Variants in BTLA observed in about 807,000 individuals in gnomAD.
The protein encoded by BTLA is B- and T-lymphocyte attenuator.
A neutral mutation model predicts 25.0 loss-of-function variants in BTLA; 11 were observed. The ratio of observed to expected loss-of-function variants is 0.44; its 90% CI spans 0.28 to 0.73. The LOEUF is 0.73. Among genes scored for constraint, BTLA ranks in the 30% least tolerant of loss-of-function variants. The pLI is 0.15. For synonymous variants in BTLA, 104 were observed against 119.8 expected, an observed-to-expected ratio of 0.87 and a Z score of 0.86; for missense variants, 282 against 332.8, an observed-to-expected ratio of 0.85 and a Z score of 1.19.
At chr3:112,493,793 C>T (rs2082393403) in intron 1 of BTLA, among the ~76,000 whole-genome samples, 2 of 151,848 alleles carry the variant, frequency 1.3e-5, no homozygotes, top group South Asian at 2.1e-4. Context: ...AGAGCCACTA[C>T]ACCCAGCCTA....
intron 1 of BTLA, among the ~76,000 whole-genome samples, chr3:112,485,450 G>A (rs1347110558): frequency 1.3e-5 from 2 of 152,314 alleles, no homozygotes; most frequent in Middle Eastern, 6.8e-3. Flanking sequence ...GACACACAAA[G>A]CTATCCCCCA....
In BTLA at chr3:112,466,225, G is replaced by A. The variant is rs1271336191; in HGVS notation, c.753C>T (p.Asn251=). ...GGGAAGCATAAACAATGCCTGGTTT[G>A]TTTTCTTCCAGGCATGGATTAGAAT... ...EVYSNPCLEE[N]KPGIVYASLN... is the part of the protein sequence containing the mutation. Residue 251 remains asparagine (N), a synonymous_variant, in exon 5 of 5, where the codon AAC becomes AAT. Coordinates refer to ENST00000334529, the MANE Select transcript of BTLA (RefSeq NM_181780.4). 6.2e-7 allele frequency: 1 copy of A among 1,613,946 alleles called. No homozygotes were observed. Among genetic ancestry groups the A allele is most frequent in the African/African-American group, 1.3e-5 (1 of 74,920 alleles).
chr3:112,464,804 C>CA lies in BTLA; in HGVS notation c.*1303dup, dbSNP rs1339277914. Reference sequence around the variant, plus strand: ...GTTGTCACCCACCCCACCTAACACACACACACACACACACACACACACACA... The same window carrying CA: ...GTTGTCACCCACCCCACCTAACACACAACACACACACACACACACACACACA... On this transcript the variant is annotated 3_prime_UTR_variant, in exon 5 of 5. Transcript: ENST00000334529. The CA allele has an allele frequency of 2.0e-5, 3 of 150,884 alleles. No homozygotes were observed. Among genetic ancestry groups the CA allele is most frequent in the Non-Finnish European group, 4.4e-5 (3 of 67,804 alleles). 9.3% of individuals were successfully genotyped at this position (150,884 alleles called of 1,614,324 possible).
chr3:112,482,938 C>G (rs1023749476), intron 1 of BTLA, among the ~76,000 whole-genome samples: 18 of 152,110 alleles, frequency 1.2e-4, no homozygotes, highest in Non-Finnish European at 2.6e-4. Flanking sequence ...CCGTTCCTCT[C>G]CCTGAAGTTA....
chr3:112,486,337 C>A (rs1193726928), intron 1 of BTLA, among the ~76,000 whole-genome samples: 2 of 151,988 alleles, frequency 1.3e-5, no homozygotes, highest in African/African-American at 4.8e-5. Context: ...TTTCTCTATA[C>A]ATAAAAATAT....
At chr3:112,476,185 T>C (rs1576680925) in intron 2 of BTLA, among the ~76,000 whole-genome samples, 1 of 152,346 alleles carries the variant, frequency 6.6e-6, no homozygotes, top group East Asian at 1.9e-4. Context: ...AGTGCATGGA[T>C]GGTCACAAGT....
chr3:112,469,842 T>A, intron 3 of BTLA, 38 bp from the exon 4 acceptor site: 1 of 1,555,954 alleles, frequency 6.4e-7, no homozygotes, highest in Non-Finnish European at 8.8e-7. Context: ...TCAAAAGGAG[T>A]AAAGAAAGCA....
chr3:112,471,878 C>A (rs2082264303), intron 2 of BTLA, among the ~76,000 whole-genome samples: 1 of 152,182 alleles, frequency 6.6e-6, no homozygotes, highest in Non-Finnish European at 1.5e-5. Context: ...CTTAAAAGTG[C>A]TCTGCATGGC....
At chr3:112,485,817 G>T (rs745664637) in intron 1 of BTLA, among the ~76,000 whole-genome samples, 1 of 152,150 alleles carries the variant, frequency 6.6e-6, no homozygotes, top group African/African-American at 2.4e-5. Flanking sequence ...TGCAGTAAAA[G>T]AATAAAAACT....
chr3:112,494,748 T>C (rs2107340831), intron 1 of BTLA, among the ~76,000 whole-genome samples: 1 of 152,144 alleles, frequency 6.6e-6, no homozygotes, highest in South Asian at 2.1e-4. Context: ...AACCAGAGCC[T>C]GTTGGGGAGT....
At chr3:112,488,882 T>C (rs982720390) in intron 1 of BTLA, among the ~76,000 whole-genome samples, 1 of 151,832 alleles carries the variant, frequency 6.6e-6, no homozygotes, top group Admixed American at 6.6e-5. Flanking sequence ...AAAGTGCTAG[T>C]ATTACAGGCA....
At chr3:112,484,667 C>T (rs1424087813) in intron 1 of BTLA, among the ~76,000 whole-genome samples, 1 of 152,208 alleles carries the variant, frequency 6.6e-6, no homozygotes, top group Admixed American at 6.5e-5. Flanking sequence ...TTAGACATCA[C>T]TTCAAGTTCT....
At chr3:112,492,863 A>T (rs974684505) in intron 1 of BTLA, among the ~76,000 whole-genome samples, 1 of 152,214 alleles carries the variant, frequency 6.6e-6, no homozygotes, top group African/African-American at 2.4e-5. Flanking sequence ...TGCTTATAAG[A>T]TGAACATGGT....
chr3:112,469,627 A>ATCG, intron 4 of BTLA, 131 bp downstream of exon 4: 3 of 33,968 alleles, frequency 8.8e-5, no homozygotes, highest in Non-Finnish European at 2.7e-4. Context: ...ATATATATAT[A>ATCG]TATATATATA....
At chr3:112,471,426 C>T in intron 2 of BTLA, 71 bp from the exon 3 acceptor site, 1 of 1,498,630 alleles carries the variant, frequency 6.7e-7, no homozygotes, top group South Asian at 1.3e-5. Context: ...CACCCCTCTG[C>T]ATTGTCAGAA....
At chr3:112,490,863 A>T (rs2082376596) in intron 1 of BTLA, among the ~76,000 whole-genome samples, 1 of 152,128 alleles carries the variant, frequency 6.6e-6, no homozygotes, top group Non-Finnish European at 1.5e-5. Context: ...TTTTTCTTTA[A>T]GTTTACTTTC....
At chr3:112,466,820 T>C (rs2082230592) in intron 4 of BTLA, among the ~76,000 whole-genome samples, 1 of 152,150 alleles carries the variant, frequency 6.6e-6, no homozygotes, top group African/African-American at 2.4e-5. Context: ...AAACAATAAA[T>C]ATTATGAGTT....
At chr3:112,475,114 T>A (rs570708020) in intron 2 of BTLA, among the ~76,000 whole-genome samples, 1 of 152,320 alleles carries the variant, frequency 6.6e-6, no homozygotes. Flanking sequence ...TGGTGCGAGA[T>A]GCTTATAGAA....
intron 2 of BTLA, among the ~76,000 whole-genome samples, chr3:112,477,341 A>G (rs1576681587): frequency 8.1e-6 from 1 of 122,824 alleles, no homozygotes; most frequent in Non-Finnish European, 1.7e-5. Context: ...CCTTGCTAAC[A>G]CTTATTATTT....
Sources: allele counts gnomAD v4.1 joint callset (sites outside exome capture counted in the v4.1 genomes callset), GRCh38; gene constraint gnomAD v4.1.1; transcripts MANE v1.5; gene names NCBI Gene and HGNC (gene_info 2026-07-23, HGNC 2026-07-21).